The following TFEC variants were observed in gnomAD, a reference collection of about 807,000 sequenced individuals.
The protein encoded by TFEC is class E basic helix-loop-helix protein 34.
In TFEC, 31 loss-of-function variants were observed where a neutral mutation model predicts 41.6. The ratio of observed to expected loss-of-function variants is 0.74; its 90% confidence interval spans 0.56 to 1.01. The LOEUF is 1.01. TFEC is among the 50% of genes least tolerant of loss of function. The probability of loss-of-function intolerance (pLI) is 0.00; values close to 1 mark genes in which losing one functional copy is unlikely to be tolerated. For missense variants in TFEC, 402 were observed against 404.1 expected, an observed-to-expected ratio of 0.99 and a Z score of 0.04; for synonymous variants, 143 against 140.6, an observed-to-expected ratio of 1.02 and a Z score of -0.12.
rs566274356 is a variant in TFEC at position 116,001,930 on chromosome 7, CATCACTG to C, written c.-72-17424_-72-17418del. On this transcript the variant is annotated intron_variant, in intron 1 of 7. Coordinates refer to ENST00000265440, the MANE Select transcript of TFEC (RefSeq NM_012252.4). ...AAAAGGTATATAAAAAGGTGCTCAA[CATCACTG>C]ATCATCAGAGAAATGCAAATCCAAA... Among the ~76,000 whole-genome samples, 469 of 152,308 alleles carry C rather than the reference CATCACTG, an allele frequency of 3.1e-3. 11 individuals are homozygous for C. The highest frequency in any genetic ancestry group is 0.027 in the Admixed American group (407 of 15,298).
chr7:116,134,360 A>G (rs1476579423), intron 1 of TFEC, among the ~76,000 whole-genome samples: 1 of 152,054 alleles, frequency 6.6e-6, no homozygotes, highest in Non-Finnish European at 1.5e-5. Context: ...AGAAAGAGGG[A>G]AGGAAAAATG....
At chr7:116,107,033 T>C (rs1797733995) in intron 3 of TFEC, among the ~76,000 whole-genome samples, 1 of 152,162 alleles carries the variant, frequency 6.6e-6, no homozygotes, top group Admixed American at 6.5e-5. Context: ...AAAATAAACT[T>C]GACAGAGTTT....
chr7:116,000,031 G>C (rs1182396641), intron 1 of TFEC, among the ~76,000 whole-genome samples: 2 of 151,912 alleles, frequency 1.3e-5, no homozygotes, highest in African/African-American at 4.8e-5. Context: ...GAAAACTACA[G>C]GCCACTATCC....
chr7:116,077,714 A>T (rs930521710), intron 3 of TFEC, among the ~76,000 whole-genome samples: 1 of 152,140 alleles, frequency 6.6e-6, no homozygotes. Flanking sequence ...GACTAGTTCA[A>T]CAGGAAAATA....
chr7:116,057,029 G>A (rs1364569798), intron 3 of TFEC, among the ~76,000 whole-genome samples: 1 of 151,832 alleles, frequency 6.6e-6, no homozygotes, highest in African/African-American at 2.4e-5. Context: ...TGCAAAATAC[G>A]CTGGATGGAA....
chr7:115,955,597 T>C (rs1171353950), intron 4 of TFEC, among the ~76,000 whole-genome samples: 3 of 152,074 alleles, frequency 2.0e-5, no homozygotes, highest in Admixed American at 6.6e-5. Context: ...GATTCTGGTC[T>C]GAACGAATTC....
intron 3 of TFEC, among the ~76,000 whole-genome samples, chr7:116,060,575 G>T (rs1216605602): frequency 6.6e-6 from 1 of 152,118 alleles, no homozygotes; most frequent in Admixed American, 6.6e-5. Context: ...CACGGATACA[G>T]CTGGGGGCTA....
chr7:116,095,439 C>T (rs904388638), intron 3 of TFEC, among the ~76,000 whole-genome samples: 1 of 152,172 alleles, frequency 6.6e-6, no homozygotes, highest in Non-Finnish European at 1.5e-5. Flanking sequence ...TATACATACA[C>T]ACATACACAT....
chr7:116,076,017 C>G (rs1185250016), intron 3 of TFEC, among the ~76,000 whole-genome samples: 1 of 152,178 alleles, frequency 6.6e-6, no homozygotes, highest in Non-Finnish European at 1.5e-5. Flanking sequence ...TCACAGAGTC[C>G]ACTTCACTCC....
intron 3 of TFEC, among the ~76,000 whole-genome samples, chr7:116,042,074 A>C (rs1796050228): frequency 6.6e-6 from 1 of 151,570 alleles, no homozygotes; most frequent in African/African-American, 2.4e-5. Flanking sequence ...AGAAAAAAAA[A>C]CAGGTGAATG....
intron 3 of TFEC, among the ~76,000 whole-genome samples, chr7:116,108,764 C>T (rs1256724436): frequency 6.6e-6 from 1 of 152,106 alleles, no homozygotes; most frequent in East Asian, 1.9e-4. Context: ...CATTTTCTAC[C>T]TACACACACT....
At chr7:115,983,554 T>G (rs889893874) in intron 2 of TFEC, among the ~76,000 whole-genome samples, 1 of 152,184 alleles carries the variant, frequency 6.6e-6, no homozygotes, top group African/African-American at 2.4e-5. Context: ...GCTCAGTTAT[T>G]AATGTAGTTT....
At chr7:115,953,320 A>G (rs1039227469) in intron 5 of TFEC, among the ~76,000 whole-genome samples, 4 of 152,072 alleles carry the variant, frequency 2.6e-5, no homozygotes, top group African/African-American at 9.7e-5. Flanking sequence ...CTTCTGGTAA[A>G]TTGGACTTAC....
chr7:115,978,209 C>G (rs988294499), intron 2 of TFEC, among the ~76,000 whole-genome samples: 3 of 151,962 alleles, frequency 2.0e-5, no homozygotes, highest in African/African-American at 7.2e-5. Flanking sequence ...AAAAAGGTAT[C>G]ATAAATATAA....
intron 1 of TFEC, among the ~76,000 whole-genome samples, chr7:116,030,001 C>T (rs1428647385): frequency 1.3e-5 from 2 of 151,860 alleles, no homozygotes; most frequent in African/African-American, 2.4e-5. Context: ...GGGAGGCAGA[C>T]GTTGCAGTGA....
In TFEC at chr7:116,141,680, A is replaced by G. The variant is rs1220703964; in HGVS notation, c.-69+18110T>C. ...GCTGAAGCAGGGGCCACCATATCCC[A>G]TGAGGAGCTCTGAAGTTATCTCTGC... On this transcript the variant is annotated intron_variant, in intron 1 of 8. Coordinates refer to the TFEC transcript ENST00000484212. 5.3e-5 allele frequency among the ~76,000 whole-genome samples: 8 copies of G among 152,232 alleles called. 1 individual carries two copies. Among genetic ancestry groups the G allele is most frequent in the Non-Finnish European group, 1.2e-4 (8 of 68,036 alleles).
intron 1 of TFEC, among the ~76,000 whole-genome samples, chr7:116,121,925 A>G (rs1798116203): frequency 6.6e-6 from 1 of 152,068 alleles, no homozygotes; most frequent in Non-Finnish European, 1.5e-5. Context: ...TTGGGAGGAA[A>G]GGAAATAACC....
intron 1 of TFEC, among the ~76,000 whole-genome samples, chr7:116,148,574 G>T (rs892862388): frequency 1.3e-5 from 2 of 152,148 alleles, no homozygotes; most frequent in African/African-American, 2.4e-5. Context: ...TTTCCTAATA[G>T]ATTGGGCAAG....
At chr7:115,976,544 C>T (rs998391021) in intron 2 of TFEC, among the ~76,000 whole-genome samples, 1 of 152,078 alleles carries the variant, frequency 6.6e-6, no homozygotes, top group Non-Finnish European at 1.5e-5. Context: ...ATGTTAAATC[C>T]TTGTGCACAG....
Sources: allele counts gnomAD v4.1 joint callset (sites outside exome capture counted in the v4.1 genomes callset), GRCh38; gene constraint gnomAD v4.1.1; transcripts MANE v1.5; gene names NCBI Gene and HGNC (gene_info 2026-07-23, HGNC 2026-07-21).